The following LRRC61 variants were observed in gnomAD, a reference collection of about 807,000 sequenced individuals.
LRRC61 encodes the protein leucine-rich repeat-containing protein 61.
A neutral mutation model predicts 15.1 loss-of-function variants in LRRC61; 9 were observed. That is an observed-to-expected ratio of 0.60 (90% confidence interval 0.36 to 1.04). The LOEUF is 1.04. Ranked by LOEUF, LRRC61 falls within the 50% of genes least tolerant of loss-of-function variation. The probability of loss-of-function intolerance (pLI) is 0.01; values close to 1 mark genes in which losing one functional copy is unlikely to be tolerated. For missense variants in LRRC61, 344 were observed against 335.6 expected, an observed-to-expected ratio of 1.03 and a Z score of -0.20; for synonymous variants, 173 against 158.6, an observed-to-expected ratio of 1.09 and a Z score of -0.68.
upstream of LRRC61, among the ~76,000 whole-genome samples, chr7:150,320,927 CA>C (rs1797449029): frequency 6.6e-6 from 1 of 152,198 alleles, no homozygotes; most frequent in South Asian, 2.1e-4. Context: ...ACACCTCTGA[CA>C]ATACAACTCA....
chr7:150,331,096 C>G lies in LRRC61; in HGVS notation c.-145+5086C>G, dbSNP rs781663253. 24 of 1,610,490 alleles carry G rather than the reference C, an allele frequency of 1.5e-5. 1 individual carries two copies. Among genetic ancestry groups the G allele is most frequent in the Admixed American group, 1.2e-4 (7 of 59,706 alleles). On this transcript the variant is annotated intron_variant, in intron 2 of 2. Coordinates refer to ENST00000359623, the MANE Select transcript of LRRC61 (RefSeq NM_001142928.2). The stretch of plus-strand genomic sequence containing the variant: ...TGGCCACCATCTATCTGTCTTACCC[C>G]CCACAGGAGCCTTCTCTGAAAGCAT...
intron 2 of LRRC61, chr7:150,331,448 G>A (rs1179312730): frequency 4.0e-6 from 1 of 252,234 alleles, no homozygotes; most frequent in Non-Finnish European, 8.1e-6. Flanking sequence ...AACCTATTTG[G>A]TAGGAAAGGG....
rs1798072678 is a variant in LRRC61, at chr7:150,330,471, C to T, written c.-145+4461C>T. 2.6e-6 allele frequency: 2 copies of T among 779,818 alleles called. No individual in the cohort carries two copies. Among genetic ancestry groups the T allele is most frequent in the Non-Finnish European group, 4.8e-6 (2 of 418,146 alleles). The allele number at this position is 779,818 out of a possible 1,614,324, so 48.3% of individuals were successfully genotyped here. ...CCAGGTGCTGCCCCAGCTGCGCTAC[C>T]TGCACATCTTCCTGGAGCAGGTTCA... On this transcript the variant is annotated intron_variant, in intron 2 of 2. Coordinates refer to ENST00000359623, the MANE Select transcript of LRRC61 (RefSeq NM_001142928.2). The surrounding 1 kb of genome is among the most constrained non-coding windows in gnomAD (Gnocchi z 4.6).
intron 1 of LRRC61, 39 bp downstream of exon 1, chr7:150,323,599 G>T: frequency 4.4e-6 from 2 of 450,658 alleles, no homozygotes; most frequent in South Asian, 1.6e-5. Context: ...AGGGAAGGGG[G>T]CGGCTGTCGG....
At chr7:150,324,291 T>C (rs556656003) in intron 1 of LRRC61, 1 of 152,898 alleles carries the variant, frequency 6.5e-6, no homozygotes, top group South Asian at 2.1e-4. Context: ...GGAGAGGGAC[T>C]GGGCGGAGTG....
chr7:150,310,892 G>C, the LRRC61 span, among the ~76,000 whole-genome samples: 2 of 152,070 alleles, frequency 1.3e-5, no homozygotes, highest in Admixed American at 6.5e-5. Flanking sequence ...AAAGGGTACC[G>C]AGTATCCCCT....
In LRRC61 at chr7:150,337,341, C is replaced by T. The variant is rs142015684; in HGVS notation, c.480C>T (p.Ile160=). The T allele has an allele frequency of 4.3e-5, 69 of 1,604,114 alleles. No individual in the cohort carries two copies. The highest frequency in any genetic ancestry group is 5.1e-5 in the Non-Finnish European group (60 of 1,179,928). Residue 160 remains isoleucine (I), a synonymous_variant, in exon 3 of 3, where the codon ATC becomes ATT. Coordinates refer to ENST00000359623, the MANE Select transcript of LRRC61 (RefSeq NM_001142928.2). ...VRELLPGLKV[I]DGERVIGRGS... ...AGCTGCTGCCTGGCCTGAAAGTCAT[C>T]GACGGTGAGCGTGTGATTGGGCGTG...
intron 2 of LRRC61, chr7:150,332,132 T>C (rs913729316): frequency 6.0e-6 from 1 of 167,108 alleles, no homozygotes; most frequent in African/African-American, 2.4e-5. Flanking sequence ...TGGACCACTT[T>C]TAAAGGGGAA....
At chr7:150,331,028 C>A (rs147597383) in intron 2 of LRRC61, 35 of 1,611,712 alleles carry the variant, frequency 2.2e-5, no homozygotes, top group Non-Finnish European at 2.9e-5. Context: ...CCGTTGGAGC[C>A]CAGGATGACC....
At chr7:150,316,530 G>A in the LRRC61 span, among the ~76,000 whole-genome samples, 15 of 148,666 alleles carry the variant, frequency 1.0e-4, no homozygotes, top group South Asian at 1.3e-3. Flanking sequence ...ACTGTTGCCA[G>A]GCGGGAGTGC....
chr7:150,315,748 A>G, the LRRC61 span, among the ~76,000 whole-genome samples: 1 of 152,166 alleles, frequency 6.6e-6, no homozygotes, highest in African/African-American at 2.4e-5. Flanking sequence ...AAGTAAACAT[A>G]CACATGCTTA....
At chr7:150,317,431 C>T in the LRRC61 span, among the ~76,000 whole-genome samples, 2 of 152,182 alleles carry the variant, frequency 1.3e-5, no homozygotes, top group African/African-American at 4.8e-5. Flanking sequence ...TAAACCCACA[C>T]ACCTTACTGA....
chr7:150,310,615 C>T, the LRRC61 span, among the ~76,000 whole-genome samples: 4 of 152,006 alleles, frequency 2.6e-5, no homozygotes, highest in African/African-American at 7.3e-5. Flanking sequence ...CCTTCTTTAC[C>T]ATCCCCTTGC....
In LRRC61 at chr7:150,335,005, G is replaced by A. The variant is rs1798242773; in HGVS notation, c.-144-1713G>A. On this transcript the variant is annotated intron_variant, in intron 2 of 2. Transcript: ENST00000359623. The surrounding 1 kb of genome is among the most constrained non-coding windows in gnomAD (Gnocchi z 4.3). ...CCATTGTGCCATTGCACTCCAGCCA[G>A]GGCAACAAGAGTGAAACTCTGTCTC... Among the ~76,000 whole-genome samples, 4 of 149,440 alleles carry A rather than the reference G, an allele frequency of 2.7e-5. No individual in the cohort carries two copies. The highest frequency in any genetic ancestry group is 1.3e-4 in the Admixed American group (2 of 15,038).
In LRRC61 at chr7:150,335,021, ACT is replaced by A. The variant is rs746455338; in HGVS notation, c.-144-1694_-144-1693del. ...CTCCAGCCAGGGCAACAAGAGTGAAACTCTGTCTCAAAAAAAAAAAAAAAAAA... is the reference window on the plus strand; with the variant it reads ...CTCCAGCCAGGGCAACAAGAGTGAAACTGTCTCAAAAAAAAAAAAAAAAAA... On this transcript the variant is annotated intron_variant, in intron 2 of 2. Coordinates refer to ENST00000359623, the MANE Select transcript of LRRC61 (RefSeq NM_001142928.2). This position sits in a 1 kb window ranked among gnomAD's most constrained non-coding sequence, Gnocchi z 4.3. Among the ~76,000 whole-genome samples the A allele has an allele frequency of 7.0e-6, 1 of 143,210 alleles. No individual in the cohort carries two copies. The highest frequency in any genetic ancestry group is 1.5e-5 in the Non-Finnish European group (1 of 66,016). 94.0% of individuals were successfully genotyped at this position (143,210 alleles called of 152,430 possible).
chr7:150,320,661 G>C, upstream of LRRC61, among the ~76,000 whole-genome samples: 1 of 152,202 alleles, frequency 6.6e-6, no homozygotes, highest in East Asian at 1.9e-4. Context: ...TACTTCGAAG[G>C]CTGAAGCAGG....
the LRRC61 span, among the ~76,000 whole-genome samples, chr7:150,309,835 G>A: frequency 3.3e-5 from 5 of 152,254 alleles, no homozygotes; most frequent in Admixed American, 6.5e-5. Context: ...GATGCTGCCC[G>A]ATCACCTGGG....
upstream of LRRC61, among the ~76,000 whole-genome samples, chr7:150,321,889 G>A (rs1396944218): frequency 6.6e-6 from 1 of 152,230 alleles, no homozygotes; most frequent in Non-Finnish European, 1.5e-5. Context: ...TCATCTGAAA[G>A]ATATGGGAAA....
In LRRC61 at chr7:150,335,532, ATCTTTG is replaced by A. The variant is rs1448533511; in HGVS notation, c.-144-1184_-144-1179del. ...CTCCCTGGTTGGGAACATAGTAAATATCTTTGTTGATGGTGTGGGAGGAGCTAAGTG... is the reference window on the plus strand; with the variant it reads ...CTCCCTGGTTGGGAACATAGTAAATATTGATGGTGTGGGAGGAGCTAAGTG... On this transcript the variant is annotated intron_variant, in intron 2 of 2. Coordinates refer to ENST00000359623, the MANE Select transcript of LRRC61 (RefSeq NM_001142928.2). The surrounding 1 kb of genome is among the most constrained non-coding windows in gnomAD (Gnocchi z 4.3). Among the ~76,000 whole-genome samples the A allele has an allele frequency of 6.6e-6, 1 of 152,170 alleles. No individual in the cohort carries two copies. The highest frequency in any genetic ancestry group is 1.9e-4 in the East Asian group (1 of 5,200).
Sources: gnomAD v4.1 joint callset for allele counts (sites outside exome capture counted in the v4.1 genomes callset) on GRCh38, gnomAD v4.1.1 for gene constraint, Gnocchi (gnomAD v3.1) non-coding constraint, MANE v1.5 for transcripts, NCBI Gene and HGNC (gene_info 2026-07-23, HGNC 2026-07-21) for gene names.